The following DOCK6 variants were observed in gnomAD, a reference collection of about 807,000 sequenced individuals.
DOCK6 encodes the protein dedicator of cytokinesis 6.
Under a neutral mutation model 230.3 loss-of-function variants are expected in DOCK6, and 167 were observed. The observed-to-expected ratio is 0.73, with a 90% CI of 0.64 to 0.82. The LOEUF is 0.82. Ranked by LOEUF, DOCK6 falls within the 40% of genes least tolerant of loss-of-function variation. DOCK6 has a pLI of 0.00. For missense variants in DOCK6, 2,598 were observed against 2,825.8 expected, an observed-to-expected ratio of 0.92 and a Z score of 1.83; for synonymous variants, 1,148 against 1,185.0, an observed-to-expected ratio of 0.97 and a Z score of 0.64.
rs2079859059 is a variant in DOCK6 at position 11,236,969 on chromosome 19, G to GT, written c.2074-91dup. ...GCCCCAGCCATTGCGACACTGCAGC[G>GT]TGAGTGTAGCCCGGTCTGGGGGTGC... On this transcript the variant is annotated intron_variant, in intron 18 of 47. Coordinates refer to ENST00000294618, the MANE Select transcript of DOCK6 (RefSeq NM_020812.4). This position sits in a 1 kb window ranked among gnomAD's most constrained non-coding sequence, Gnocchi z 5.2. 1.5e-6 allele frequency: 2 copies of GT among 1,342,728 alleles called. No individual in the cohort carries two copies. Among genetic ancestry groups the GT allele is most frequent in the South Asian group, 1.4e-5 (1 of 73,886 alleles). 83.2% of individuals were successfully genotyped at this position (1,342,728 alleles called of 1,614,324 possible). A position where few individuals can be genotyped will look rare whatever the true frequency, so the allele number is the denominator to read the frequency against.
chr19:11,224,979 G>T (rs537905256), intron 24 of DOCK6, among the ~76,000 whole-genome samples: 2 of 151,986 alleles, frequency 1.3e-5, no homozygotes, highest in Non-Finnish European at 2.9e-5. Context: ...CAGGAGAATC[G>T]CTTGAACCCA....
rs760179366 is a variant in DOCK6 at position 11,213,331 on chromosome 19, G to T, written c.4339-3C>A. 3.7e-6 allele frequency: 6 copies of T among 1,609,822 alleles called. No individual in the cohort carries two copies. In the Admixed American group the frequency reaches 5.0e-5, roughly 13 times the overall value. ...TCCTCGAACAGCAGCTCCGGGAACT[G>T]CCCCCAAGGACCCAGACAGACACTG... On this transcript the variant is annotated splice_polypyrimidine_tract_variant and splice_region_variant and intron_variant, in intron 34 of 47. Transcript: ENST00000294618.
At chr19:11,239,766 G>A in intron 14 of DOCK6, 2 of 1,611,756 alleles carry the variant, frequency 1.2e-6, no homozygotes, top group Non-Finnish European at 1.7e-6. Flanking sequence ...ATGGGACCCT[G>A]CAGCTGGGCC....
intron 2 of DOCK6, among the ~76,000 whole-genome samples, chr19:11,253,275 C>A (rs974859683): frequency 6.6e-6 from 1 of 152,070 alleles, no homozygotes; most frequent in Non-Finnish European, 1.5e-5. Flanking sequence ...CTAAAGCCTC[C>A]GCAACCCTGT....
chr19:11,235,198 C>T (rs569804867), intron 21 of DOCK6, among the ~76,000 whole-genome samples: 1 of 152,300 alleles, frequency 6.6e-6, no homozygotes, highest in African/African-American at 2.4e-5. Flanking sequence ...TCACTGCAAC[C>T]TCTGCCTCCT....
chr19:11,250,837 A>G (rs748036128), intron 6 of DOCK6, 37 bp downstream of exon 6: 27 of 1,583,398 alleles, frequency 1.7e-5, no homozygotes, highest in Non-Finnish European at 2.2e-5. Context: ...GCACCCAGTA[A>G]ATGCTGGTTG....
chr19:11,252,403 C>G, intron 4 of DOCK6, 79 bp downstream of exon 4: 1 of 1,593,786 alleles, frequency 6.3e-7, no homozygotes, highest in African/African-American at 1.3e-5. Context: ...TGGGCAGATA[C>G]ACAGTAGGAC....
At chr19:11,212,712 G>A (rs2079410990) in intron 35 of DOCK6, among the ~76,000 whole-genome samples, 1 of 150,918 alleles carries the variant, frequency 6.6e-6, no homozygotes, top group African/African-American at 2.4e-5. Flanking sequence ...ACAGGCACCC[G>A]CCACCATGCC....
rs1163568915 is a variant in DOCK6, at chr19:11,209,015, C to T, written c.4840G>A (p.Ala1614Thr). Residue 1614 changes from alanine to threonine, a missense_variant, in exon 38 of 48, where the codon GCC becomes ACC. Ala to Thr is a moderately conservative substitution (Grantham distance 58). Transcript: ENST00000294618. Reference sequence around the variant, plus strand: ...TGCACCATGCACTGGGCGGCCTCGGCGTGGTTGCCCAGCTCCGCGTGCTTC... The same window carrying T: ...TGCACCATGCACTGGGCGGCCTCGGTGTGGTTGCCCAGCTCCGCGTGCTTC... ...AGKHAELGNH[A>T]EAAQCMVHAA... The T allele has an allele frequency of 5.6e-6, 9 of 1,611,658 alleles. 1 individual carries two copies. The highest frequency in any genetic ancestry group is 3.3e-5 in the South Asian group (3 of 90,922).
chr19:11,251,214 C>CT (rs773310517), intron 5 of DOCK6, 128 bp from the exon 6 acceptor site: 25 of 936,208 alleles, frequency 2.7e-5, no homozygotes, highest in Non-Finnish European at 4.0e-5. Context: ...GGTCATCACT[C>CT]TAAGGGTCAC....
intron 7 of DOCK6, 92 bp downstream of exon 7, chr19:11,247,974 C>G: frequency 2.6e-6 from 3 of 1,138,594 alleles, no homozygotes; most frequent in South Asian, 1.3e-5. Context: ...GGGCCGCACA[C>G]GGTAATGGCA....
chr19:11,254,515 G>A (rs2080169276), intron 1 of DOCK6, among the ~76,000 whole-genome samples: 1 of 152,042 alleles, frequency 6.6e-6, no homozygotes, highest in Non-Finnish European at 1.5e-5. Flanking sequence ...CCAACAAGGG[G>A]AAACCCTGCC....
intron 17 of DOCK6, 28 bp from the exon 18 acceptor site, chr19:11,237,585 C>T (rs757611560): frequency 4.6e-5 from 58 of 1,268,462 alleles, no homozygotes; most frequent in Admixed American, 4.0e-4. Context: ...GTCAGGTCTG[C>T]GGCCAGGTTG....
chr19:11,224,218 T>TTTCTTTCTTTCTTTCTTTC (rs1568236243), intron 24 of DOCK6, among the ~76,000 whole-genome samples: 2 of 101,534 alleles, frequency 2.0e-5, no homozygotes, highest in East Asian at 7.5e-4. Flanking sequence ...TTCTTTCTTT[T>TTTCTTTCTTTCTTTCTTTC]TTTTTTTTTT....
At chr19:11,224,190 T>TTTTCTTTCTTTCCTTCTTTCTTTCTTTC (rs2079625946) in intron 24 of DOCK6, among the ~76,000 whole-genome samples, 1 of 146,326 alleles carries the variant, frequency 6.8e-6, no homozygotes, top group South Asian at 2.2e-4. Context: ...CTGTAATTAC[T>TTTTCTTTCTTTCCTTCTTTCTTTCTTTC]TTTCTTTCTT....
At chr19:11,225,554 T>C (rs371099134) in intron 24 of DOCK6, among the ~76,000 whole-genome samples, 89 of 152,088 alleles carry the variant, frequency 5.9e-4, no homozygotes, top group African/African-American at 2.0e-3. Flanking sequence ...TAGGTGGGTA[T>C]GGTAGCACGC....
At chr19:11,244,719 A>G (rs2080006187) in intron 9 of DOCK6, among the ~76,000 whole-genome samples, 1 of 152,048 alleles carries the variant, frequency 6.6e-6, no homozygotes, top group South Asian at 2.1e-4. Context: ...TCGGCCTCCC[A>G]AAGTGCTGGG....
At chr19:11,258,958 T>C (rs962217333) in intron 1 of DOCK6, among the ~76,000 whole-genome samples, 3 of 150,696 alleles carry the variant, frequency 2.0e-5, no homozygotes, top group South Asian at 2.1e-4. Flanking sequence ...GGTTTCACCA[T>C]CTACAGACCC....
intron 14 of DOCK6, chr19:11,241,666 C>A: frequency 6.3e-7 from 1 of 1,581,628 alleles, no homozygotes; most frequent in Non-Finnish European, 8.6e-7. Flanking sequence ...CCAGACTCCA[C>A]ACAGCGGCGC....
Sources: allele counts gnomAD v4.1 joint callset (sites outside exome capture counted in the v4.1 genomes callset), GRCh38; gene constraint gnomAD v4.1.1; non-coding constraint Gnocchi (gnomAD v3.1); transcripts MANE v1.5; gene names NCBI Gene and HGNC (gene_info 2026-07-23, HGNC 2026-07-21).